The following KMT2E variants were observed in gnomAD, a reference collection of about 807,000 sequenced individuals.
The protein encoded by KMT2E is histone reader KMT2E.
A neutral mutation model predicts 184.6 loss-of-function variants in KMT2E; 30 were observed. The ratio of observed to expected loss-of-function variants is 0.16; its 90% CI spans 0.12 to 0.22. The LOEUF is 0.22. Ranked by LOEUF, KMT2E falls within the 10% of genes least tolerant of loss-of-function variation. The pLI is 1.00. For synonymous variants in KMT2E, 815 were observed against 776.5 expected, an observed-to-expected ratio of 1.05 and a Z score of -0.82; for missense variants, 2,023 against 2,237.4, an observed-to-expected ratio of 0.90 and a Z score of 1.93.
At chr7:105,066,897 A>G (rs1797047818) in intron 6 of KMT2E, 90 bp downstream of exon 6, 1 of 977,870 alleles carries the variant, frequency 1.0e-6, no homozygotes, top group South Asian at 1.3e-5. Context: ...GAGTTAAAAA[A>G]TTAATGAATC....
At chr7:105,085,065 C>T (rs1206573947) in intron 13 of KMT2E, among the ~76,000 whole-genome samples, 4 of 151,144 alleles carry the variant, frequency 2.6e-5, no homozygotes, top group African/African-American at 7.3e-5. Context: ...TATTTCTAGG[C>T]TATATAGTTC....
intron 15 of KMT2E, among the ~76,000 whole-genome samples, chr7:105,094,448 T>G (rs1160414625): frequency 5.3e-5 from 8 of 152,178 alleles, no homozygotes; most frequent in Admixed American, 2.0e-4. Flanking sequence ...AGGATTAATA[T>G]TTTGGAATAT....
intron 1 of KMT2E, among the ~76,000 whole-genome samples, chr7:105,018,281 C>G (rs1257627918): frequency 6.6e-6 from 1 of 152,122 alleles, no homozygotes; most frequent in Admixed American, 6.5e-5. Flanking sequence ...ACTAACAGAA[C>G]TTTGAAGAGC....
intron 3 of KMT2E, among the ~76,000 whole-genome samples, chr7:105,053,489 ATAAT>A (rs1394241094): frequency 6.6e-6 from 1 of 152,202 alleles, no homozygotes; most frequent in East Asian, 1.9e-4. Context: ...AAAATATATA[ATAAT>A]TTTATTCTCT....
intron 15 of KMT2E, among the ~76,000 whole-genome samples, chr7:105,093,232 TG>T (rs1798278374): frequency 6.6e-6 from 1 of 151,860 alleles, no homozygotes; most frequent in African/African-American, 2.4e-5. Context: ...AGAAAACCAG[TG>T]GGGGTTTGTT....
At chr7:105,095,654 C>T (rs901615389) in intron 15 of KMT2E, among the ~76,000 whole-genome samples, 6 of 152,020 alleles carry the variant, frequency 3.9e-5, no homozygotes, top group East Asian at 1.9e-4. Flanking sequence ...CTTAAGAAGT[C>T]GTTACCTGCT....
intron 14 of KMT2E, 76 bp downstream of exon 14, chr7:105,090,349 C>G: frequency 2.1e-6 from 3 of 1,458,240 alleles, no homozygotes; most frequent in Non-Finnish European, 2.8e-6. Context: ...CTTCTTTGTT[C>G]TATGTATAAT....
chr7:105,105,226 G>A (rs1280997642), intron 17 of KMT2E: 1 of 410,124 alleles, frequency 2.4e-6, no homozygotes, highest in African/African-American at 2.1e-5. Flanking sequence ...CATATGTTTT[G>A]TTCTACAAAA....
At chr7:105,066,671 T>C in intron 5 of KMT2E, 56 bp from the exon 6 acceptor site, 1 of 1,357,288 alleles carries the variant, frequency 7.4e-7, no homozygotes, top group South Asian at 1.2e-5. Context: ...ATATCAAATC[T>C]TAATTTAAGG....
At chr7:105,032,026 A>G (rs559528640) in intron 1 of KMT2E, among the ~76,000 whole-genome samples, 1 of 135,758 alleles carries the variant, frequency 7.4e-6, no homozygotes, top group African/African-American at 2.8e-5. Context: ...AAATCACACT[A>G]CTGCACTCCA....
rs777889346 is a variant in KMT2E at position 105,106,536 on chromosome 7, C to A, written c.2611C>A (p.Leu871Ile). 5.0e-6 allele frequency: 8 copies of A among 1,609,980 alleles called. No homozygotes were observed. Among genetic ancestry groups the A allele is most frequent in the Non-Finnish European group, 6.0e-6 (7 of 1,176,260 alleles). ...SCSLPDLTTP[L>I]KKRRFYQLLD... is the part of the protein sequence containing the mutation. ...TTCACCAACAGATTTAACTACACCA[C>A]TAAAAAAACGAAGATTTTATCAGTT... The change falls in exon 20 of 27, where the codon CTA (leucine) becomes ATA (isoleucine). Residue 871 changes from leucine to isoleucine, a missense_variant. Around this residue, in one of 8 missense-constraint regions of KMT2E, gnomAD observed 514 missense variants for 621.8 expected, o/e 0.83. Transcript: ENST00000311117.
intron 6 of KMT2E, among the ~76,000 whole-genome samples, chr7:105,071,594 ATATATATATATATATTTTTTTTTTTTTT>A (rs1797305939): frequency 3.4e-5 from 2 of 59,314 alleles, no homozygotes; most frequent in Non-Finnish European, 6.8e-5. Flanking sequence ...ATATATATAT[ATATATATATATATATTTTTTTTTTTTTT>A]TTTTTTTTTT....
intron 6 of KMT2E, among the ~76,000 whole-genome samples, chr7:105,072,770 C>G (rs1797373950): frequency 6.6e-6 from 1 of 152,028 alleles, no homozygotes; most frequent in Non-Finnish European, 1.5e-5. Flanking sequence ...ACAAAATTAG[C>G]CAGGTGTGGT....
intron 3 of KMT2E, among the ~76,000 whole-genome samples, chr7:105,050,650 CT>C (rs929117992): frequency 1.5e-4 from 22 of 145,874 alleles, no homozygotes; most frequent in African/African-American, 5.6e-4. Context: ...TTTCTTTTTT[CT>C]TTCTTTCTTT....
intron 26 of KMT2E, 107 bp downstream of exon 26, chr7:105,110,975 G>T (rs1195024826): frequency 9.5e-6 from 7 of 737,696 alleles, no homozygotes; most frequent in Non-Finnish European, 1.6e-5. Context: ...GTATCAACTT[G>T]TGACTTCTGG....
At chr7:105,109,381 G>A (rs1213939864) in intron 23 of KMT2E, among the ~76,000 whole-genome samples, 153 bp downstream of exon 23, 1 of 152,230 alleles carries the variant, frequency 6.6e-6, no homozygotes, top group African/African-American at 2.4e-5. Context: ...AGCCAGCTGT[G>A]TATGGCCTGT....
intron 15 of KMT2E, among the ~76,000 whole-genome samples, chr7:105,096,845 T>G (rs753931722): frequency 5.9e-5 from 9 of 152,204 alleles, no homozygotes; most frequent in Non-Finnish European, 1.0e-4. Context: ...TTTTCTCGGC[T>G]TTCATCCTTC....
At chr7:105,053,567 A>G (rs540859462) in intron 3 of KMT2E, among the ~76,000 whole-genome samples, 2 of 152,312 alleles carry the variant, frequency 1.3e-5, no homozygotes, top group East Asian at 3.9e-4. Context: ...TAGATCAAAG[A>G]TAGGCACTTG....
intron 15 of KMT2E, among the ~76,000 whole-genome samples, chr7:105,094,451 T>G (rs1475178847): frequency 4.6e-5 from 7 of 152,168 alleles, no homozygotes; most frequent in African/African-American, 1.7e-4. Context: ...ATTAATATTT[T>G]GGAATATTTG....
Sources: allele counts gnomAD v4.1 joint callset (sites outside exome capture counted in the v4.1 genomes callset), GRCh38; gene constraint gnomAD v4.1.1; regional missense constraint gnomAD v4.1.1; transcripts MANE v1.5; gene names NCBI Gene and HGNC (gene_info 2026-07-23, HGNC 2026-07-21).